Variants in ABL1 observed in about 807,000 individuals in gnomAD.
ABL1 encodes the protein ABL proto-oncogene 1, non-receptor tyrosine kinase, also known as tyrosine-protein kinase ABL1.
In ABL1, 11 loss-of-function variants were observed where a neutral mutation model predicts 94.7. The ratio of observed to expected loss-of-function variants is 0.12; its 90% confidence interval spans 0.07 to 0.19. The LOEUF is 0.19. Among genes scored for constraint, ABL1 ranks in the 10% least tolerant of loss-of-function variants. The pLI, the probability that ABL1 is intolerant of heterozygous loss-of-function variation, is 1.00. For synonymous variants in ABL1, 656 were observed against 622.4 expected (o/e 1.05, Z -0.80); for missense variants, 1,082 against 1,489.4 (o/e 0.73, Z 4.50).
At chr9:130,743,829 C>T (rs970855231) in intron 1 of ABL1, among the ~76,000 whole-genome samples, 10 of 151,728 alleles carry the variant, frequency 6.6e-5, no homozygotes, top group East Asian at 3.9e-4. Context: ...CTTGTGGGGT[C>T]GGGGAACAAG....
At chr9:130,794,386 T>C (rs1052558954) in intron 1 of ABL1, among the ~76,000 whole-genome samples, 2 of 152,334 alleles carry the variant, frequency 1.3e-5, no homozygotes, top group African/African-American at 2.4e-5. Context: ...AGACTTTGCT[T>C]TATGAACTAG....
In ABL1 at chr9:130,854,227, C is replaced by A. The variant is rs2132956612; in HGVS notation, c.243C>A (p.Ser81Arg). 6.2e-7 allele frequency: 1 copy of A among 1,613,646 alleles called. No homozygotes were observed. The highest frequency in any genetic ancestry group is 8.5e-7 in the Non-Finnish European group (1 of 1,179,890). ...TGGCCAGTGGAGATAACACTCTAAG[C>A]ATAACTAAAGGTAAAAGGGTTGTGG... ...DFVASGDNTL[S>R]ITKGEKLRVL... The change falls in exon 2 of 11, where the codon AGC becomes AGA. Residue 81 changes from serine (S) to arginine (R), a missense_variant. Ser to Arg is a moderately radical substitution (Grantham distance 110, BLOSUM62 -1). Coordinates refer to ENST00000318560, the MANE Select transcript of ABL1 (RefSeq NM_005157.6).
chr9:130,864,183 G>A (rs1194588558), intron 4 of ABL1, among the ~76,000 whole-genome samples: 1 of 152,216 alleles, frequency 6.6e-6, no homozygotes, highest in African/African-American at 2.4e-5. Flanking sequence ...GGCAGGACTG[G>A]CACTGGGGTG....
At chr9:130,802,985 T>A (rs1830076423) in intron 1 of ABL1, among the ~76,000 whole-genome samples, 1 of 152,180 alleles carries the variant, frequency 6.6e-6, no homozygotes, top group Admixed American at 6.5e-5. Flanking sequence ...TGTACGGGGA[T>A]TGGAGATCTT....
intron 4 of ABL1, among the ~76,000 whole-genome samples, chr9:130,868,681 C>T (rs1053764294): frequency 6.6e-5 from 10 of 151,688 alleles, no homozygotes; most frequent in East Asian, 1.9e-4. Context: ...CCACCACGCC[C>T]GGCTAATTTT....
At chr9:130,848,391 A>G (rs921620100) in intron 1 of ABL1, among the ~76,000 whole-genome samples, 5 of 150,252 alleles carry the variant, frequency 3.3e-5, no homozygotes, top group East Asian at 2.0e-4. Context: ...AGTGGCTCAC[A>G]TCTGTAATCC....
intron 1 of ABL1, among the ~76,000 whole-genome samples, chr9:130,745,101 G>C (rs548684166): frequency 6.7e-6 from 1 of 150,054 alleles, no homozygotes. Context: ...TTTTTTTGAG[G>C]GGGGCAGAGT....
intron 1 of ABL1, among the ~76,000 whole-genome samples, chr9:130,796,381 C>T (rs180678574): frequency 2.6e-5 from 4 of 152,022 alleles, no homozygotes; most frequent in East Asian, 1.9e-4. Context: ...CATGGTGGTG[C>T]GTTCCTGTTA....
At chr9:130,726,190 T>A (rs779191542) in intron 1 of ABL1, among the ~76,000 whole-genome samples, 5 of 113,836 alleles carry the variant, frequency 4.4e-5, no homozygotes, top group Non-Finnish European at 6.7e-5. Flanking sequence ...GTAATATGCA[T>A]ACAGAAAGGG....
At chr9:130,800,209 G>T in intron 1 of ABL1, among the ~76,000 whole-genome samples, 1 of 151,982 alleles carries the variant, frequency 6.6e-6, no homozygotes, top group East Asian at 1.9e-4. Context: ...TGAATTTTAG[G>T]ATGTGGGCTG....
At chr9:130,828,597 C>CT (rs749198840) in intron 1 of ABL1, among the ~76,000 whole-genome samples, 5 of 152,002 alleles carry the variant, frequency 3.3e-5, no homozygotes, top group Non-Finnish European at 7.4e-5. Context: ...ATTAGAAACT[C>CT]TCGGGAGGCT....
intron 7 of ABL1, among the ~76,000 whole-genome samples, chr9:130,878,111 C>G (rs1423363698): frequency 6.6e-6 from 1 of 151,996 alleles, no homozygotes; most frequent in Non-Finnish European, 1.5e-5. Flanking sequence ...CCGTGCCCGG[C>G]CCCTAATTTT....
chr9:130,844,581 A>G (rs532122690), intron 1 of ABL1, among the ~76,000 whole-genome samples: 7 of 152,160 alleles, frequency 4.6e-5, no homozygotes, highest in East Asian at 1.9e-4. Context: ...CAGGCAGATC[A>G]CTTGAGGTCA....
rs2132977037 is a variant in ABL1, at chr9:130,864,465, A to G, written c.822+1430A>G. The stretch of plus-strand genomic sequence containing the variant: ...TCGCTGTGTTGGCCTGGCTGGTCTC[A>G]AACTCCTGACCTCAAGTGATCTGCC... On this transcript the variant is annotated intron_variant, in intron 4 of 10. Coordinates refer to ENST00000318560, the MANE Select transcript of ABL1 (RefSeq NM_005157.6). 1.3e-5 allele frequency among the ~76,000 whole-genome samples: 2 copies of G among 152,206 alleles called. 1 individual carries two copies. The highest frequency in any genetic ancestry group is 1.3e-4 in the Admixed American group (2 of 15,276).
rs201909318 is a variant in ABL1 at position 130,885,703 on chromosome 9, G to C, written c.*20G>C. On this transcript the variant is annotated 3_prime_UTR_variant, in exon 11 of 11. Coordinates refer to ENST00000318560, the MANE Select transcript of ABL1 (RefSeq NM_005157.6). The stretch of plus-strand genomic sequence containing the variant: ...AGGTAGCAGCAGTCAGGGGTCAGGT[G>C]TCAGGCCCGTCGGAGCTGCCTGCAG... 42 of 1,594,650 alleles carry C rather than the reference G, an allele frequency of 2.6e-5. No homozygotes were observed. Among genetic ancestry groups the C allele is most frequent in the Non-Finnish European group, 3.5e-5 (41 of 1,169,496 alleles).
chr9:130,828,342 A>G (rs1306957962), intron 1 of ABL1, among the ~76,000 whole-genome samples: 1 of 149,150 alleles, frequency 6.7e-6, no homozygotes, highest in African/African-American at 2.5e-5. Flanking sequence ...GGCTGGGATT[A>G]TAGGCATGAG....
At chr9:130,716,683 A>C (rs1831445361) in intron 1 of ABL1, among the ~76,000 whole-genome samples, 1 of 152,206 alleles carries the variant, frequency 6.6e-6, no homozygotes, top group East Asian at 1.9e-4. Flanking sequence ...CAAAGAAAAC[A>C]ACAGGTAGCA....
chr9:130,786,364 C>T (rs914821948), intron 1 of ABL1, among the ~76,000 whole-genome samples: 2 of 152,248 alleles, frequency 1.3e-5, no homozygotes, highest in Admixed American at 6.5e-5. Flanking sequence ...GCAGGGGAGA[C>T]GGAAACAGCT....
rs34333699 is a variant in ABL1, at chr9:130,785,928, TAAA to T, written c.137-68111_137-68109del. ...ACATTCTGGAACTCTGTCTCAAAAC[TAAA>T]AAAAAAAAAAAAAAAAAAAAAAAAT... On this transcript the variant is annotated intron_variant, in intron 1 of 10. Transcript: ENST00000372348. 5.6e-3 allele frequency among the ~76,000 whole-genome samples: 318 copies of T among 56,686 alleles called. 1 individual carries two copies. Among genetic ancestry groups the T allele is most frequent in the African/African-American group, 0.017 (290 of 16,702 alleles). 37.2% of individuals were successfully genotyped at this position (56,686 alleles called of 152,430 possible).
Sources: allele counts gnomAD v4.1 joint callset (sites outside exome capture counted in the v4.1 genomes callset), GRCh38; gene constraint gnomAD v4.1.1; transcripts MANE v1.5; gene names NCBI Gene and HGNC (gene_info 2026-07-23, HGNC 2026-07-21).